GRM7: variants seen among roughly 807,000 people sequenced by gnomAD.
GRM7 encodes the protein glutamate metabotropic receptor 7, also known as metabotropic glutamate receptor 7.
GRM7 carries 35 observed loss-of-function variants against 84.5 expected under a neutral mutation model. The observed-to-expected ratio is 0.41, with a 90% CI of 0.32 to 0.55. The LOEUF (loss-of-function observed/expected upper bound fraction) is 0.55, where lower values mean the gene tolerates loss of function less well. Among genes scored for constraint, GRM7 ranks in the 20% least tolerant of loss-of-function variants. The probability of loss-of-function intolerance (pLI) is 0.19; values close to 1 mark genes in which losing one functional copy is unlikely to be tolerated. For missense variants in GRM7, 1,003 were observed against 1,194.6 expected (o/e 0.84, Z 2.36); for synonymous variants, 487 against 455.1 (o/e 1.07, Z -0.89).
chr3:7,316,719 T>G (rs974699122), intron 4 of GRM7, among the ~76,000 whole-genome samples: 1 of 152,070 alleles, frequency 6.6e-6, no homozygotes, highest in Non-Finnish European at 1.5e-5. Flanking sequence ...AGATACTTAT[T>G]AGACATCCAA....
intron 7 of GRM7, among the ~76,000 whole-genome samples, chr3:7,568,921 C>T (rs1233273074): frequency 1.3e-5 from 2 of 152,068 alleles, no homozygotes; most frequent in Admixed American, 6.5e-5. Context: ...GGACGAGCGC[C>T]GCCCCCTGCT....
intron 4 of GRM7, among the ~76,000 whole-genome samples, chr3:7,310,091 C>A (rs1700338807): frequency 6.6e-6 from 1 of 152,178 alleles, no homozygotes; most frequent in Non-Finnish European, 1.5e-5. Flanking sequence ...CTCCAAAGTG[C>A]TCTGCTTCTC....
At chr3:7,267,870 T>C (rs1698703906) in intron 2 of GRM7, among the ~76,000 whole-genome samples, 1 of 152,134 alleles carries the variant, frequency 6.6e-6, no homozygotes, top group Non-Finnish European at 1.5e-5. Context: ...TCTAAGTTTC[T>C]AGTTTTAAGA....
At chr3:7,235,177 G>C (rs1411197130) in intron 2 of GRM7, among the ~76,000 whole-genome samples, 1 of 152,184 alleles carries the variant, frequency 6.6e-6, no homozygotes, top group African/African-American at 2.4e-5. Flanking sequence ...AGACGGTAAA[G>C]TGCAGGATCT....
At chr3:7,577,189 AG>A (rs1695008379) in intron 7 of GRM7, among the ~76,000 whole-genome samples, 1 of 152,194 alleles carries the variant, frequency 6.6e-6, no homozygotes, top group Admixed American at 6.5e-5. Flanking sequence ...TGTGGCTAGG[AG>A]GTTGGAATGT....
intron 1 of GRM7, among the ~76,000 whole-genome samples, chr3:6,959,494 A>G (rs1693208909): frequency 6.6e-6 from 1 of 152,124 alleles, no homozygotes; most frequent in Non-Finnish European, 1.5e-5. Context: ...GCTTTCTAAT[A>G]ATTACATTAC....
intron 5 of GRM7, among the ~76,000 whole-genome samples, chr3:7,425,950 A>T (rs1696589564): frequency 6.6e-6 from 1 of 152,034 alleles, no homozygotes; most frequent in Non-Finnish European, 1.5e-5. Flanking sequence ...ATATCAATAG[A>T]TTCTTTCTTT....
chr3:7,203,607 A>G (rs1196756703), intron 2 of GRM7, among the ~76,000 whole-genome samples: 1 of 152,158 alleles, frequency 6.6e-6, no homozygotes, highest in Non-Finnish European at 1.5e-5. Flanking sequence ...TTGCATAAAT[A>G]TGCAGTAGTT....
intron 2 of GRM7, among the ~76,000 whole-genome samples, chr3:7,148,469 G>T (rs1694177355): frequency 6.6e-6 from 1 of 152,122 alleles, no homozygotes; most frequent in South Asian, 2.1e-4. Context: ...TTCTGTTACA[G>T]GATTTACAGT....
At chr3:7,195,882 A>G (rs1695861329) in intron 2 of GRM7, among the ~76,000 whole-genome samples, 1 of 152,154 alleles carries the variant, frequency 6.6e-6, no homozygotes, top group Non-Finnish European at 1.5e-5. Flanking sequence ...TAAAATGTAT[A>G]AACTTTCTAA....
chr3:7,235,906 C>G (rs1268529597), intron 2 of GRM7, among the ~76,000 whole-genome samples: 1 of 152,164 alleles, frequency 6.6e-6, no homozygotes, highest in Non-Finnish European at 1.5e-5. Flanking sequence ...TAGTTTGTGC[C>G]TGCTGCTATA....
At chr3:6,905,182 A>T (rs983541071) in intron 1 of GRM7, among the ~76,000 whole-genome samples, 1 of 152,212 alleles carries the variant, frequency 6.6e-6, no homozygotes, top group Non-Finnish European at 1.5e-5. Context: ...AATTGCATTT[A>T]ACTTATAGAT....
At chr3:7,139,309 T>A (rs1308247232) in intron 1 of GRM7, among the ~76,000 whole-genome samples, 1 of 151,690 alleles carries the variant, frequency 6.6e-6, no homozygotes, top group Non-Finnish European at 1.5e-5. Flanking sequence ...ATTAGAATGA[T>A]CACAACATCT....
chr3:7,031,215 T>A lies in GRM7; in HGVS notation c.520-115237T>A, dbSNP rs74360707. On this transcript the variant is annotated intron_variant, in intron 1 of 9. Transcript: ENST00000357716. ...TTCTCTCCTTGTTTTATACTCAGTA[T>A]GTTTGCTGTCTTTTGCTACAATCAA... 4.7e-4 allele frequency among the ~76,000 whole-genome samples: 72 copies of A among 152,174 alleles called. 1 individual carries two copies. The East Asian group carries it at 0.013, about 27-fold the overall frequency.
At chr3:7,017,566 TGATA>T (rs1302119883) in intron 1 of GRM7, among the ~76,000 whole-genome samples, 1 of 152,160 alleles carries the variant, frequency 6.6e-6, no homozygotes, top group African/African-American at 2.4e-5. Context: ...CATTTTTCAT[TGATA>T]GATATATTTT....
chr3:7,361,500 G>T (rs944246988), intron 4 of GRM7, among the ~76,000 whole-genome samples: 3 of 151,980 alleles, frequency 2.0e-5, no homozygotes, highest in African/African-American at 7.2e-5. Flanking sequence ...TGCTTTTCCA[G>T]TTTCCTAAAC....
In GRM7 at chr3:7,484,984, A is replaced by G. The variant is rs144625198; in HGVS notation, c.1515+23262A>G. ...TAGCTGCCAGATTGTGACTTGCCCT[A>G]TGGAGAGATCTGCATGGCAAGGAAC... On this transcript the variant is annotated intron_variant, in intron 7 of 9. Transcript: ENST00000357716. Among the ~76,000 whole-genome samples, 48 of 152,276 alleles carry G rather than the reference A, an allele frequency of 3.2e-4. No individual in the cohort carries two copies. The East Asian group carries it at 7.1e-3, about 23-fold the overall frequency.
intron 1 of GRM7, among the ~76,000 whole-genome samples, chr3:6,880,902 T>C (rs897623950): frequency 6.6e-6 from 1 of 152,194 alleles, no homozygotes; most frequent in Non-Finnish European, 1.5e-5. Context: ...TAATAATTTA[T>C]TAAAAGTTTA....
chr3:7,377,563 AC>A (rs1347235829), intron 4 of GRM7, among the ~76,000 whole-genome samples: 5 of 152,120 alleles, frequency 3.3e-5, no homozygotes, highest in African/African-American at 1.2e-4. Context: ...TTCACAAAGC[AC>A]CCTGTGGAGT....
Sources: allele counts gnomAD v4.1 joint callset (sites outside exome capture counted in the v4.1 genomes callset), GRCh38; gene constraint gnomAD v4.1.1; transcripts MANE v1.5; gene names NCBI Gene and HGNC (gene_info 2026-07-23, HGNC 2026-07-21).